The following LRRIQ1 variants were observed in gnomAD, a reference collection of about 807,000 sequenced individuals.
The protein encoded by LRRIQ1 is leucine-rich repeat- and IQ domain-containing protein 1.
A neutral mutation model predicts 211.9 loss-of-function variants in LRRIQ1; 210 were observed. That is an observed-to-expected ratio of 0.99 (90% CI 0.89 to 1.11). The LOEUF (loss-of-function observed/expected upper bound fraction) is 1.11. Among genes scored for constraint, LRRIQ1 ranks in the 50% most tolerant of loss-of-function variants. LRRIQ1 has a pLI of 0.00. For missense variants in LRRIQ1, 2,136 were observed against 1,939.5 expected, an observed-to-expected ratio of 1.10 and a Z score of -1.90; for synonymous variants, 699 against 650.1, an observed-to-expected ratio of 1.08 and a Z score of -1.14.
chr12:85,192,722 T>A (rs1165155938), intron 24 of LRRIQ1, among the ~76,000 whole-genome samples: 7 of 101,814 alleles, frequency 6.9e-5, no homozygotes, highest in African/African-American at 8.6e-5. Flanking sequence ...ATTATAAATA[T>A]ATATAGTTAT....
chr12:85,241,315 T>C (rs993609242), intron 26 of LRRIQ1, among the ~76,000 whole-genome samples: 1 of 152,052 alleles, frequency 6.6e-6, no homozygotes, highest in African/African-American at 2.4e-5. Context: ...GTGCCTTCCC[T>C]ACCCACATAT....
chr12:85,133,127 A>C (rs1057424493), intron 18 of LRRIQ1, among the ~76,000 whole-genome samples: 1 of 152,180 alleles, frequency 6.6e-6, no homozygotes, highest in South Asian at 2.1e-4. Context: ...TATTGAGTGC[A>C]TATTAGGTGA....
intron 1 of LRRIQ1, among the ~76,000 whole-genome samples, chr12:85,252,308 A>G (rs1269399440): frequency 1.3e-5 from 2 of 151,896 alleles, no homozygotes; most frequent in African/African-American, 2.4e-5. Flanking sequence ...TCCCTATCTC[A>G]TAGAATGGCA....
intron 5 of LRRIQ1, among the ~76,000 whole-genome samples, chr12:85,046,528 C>T (rs1212886740): frequency 6.6e-6 from 1 of 152,078 alleles, no homozygotes; most frequent in African/African-American, 2.4e-5. Context: ...TACGTCTATT[C>T]AACAATGTAT....
chr12:85,037,493 T>A (rs528107816), intron 1 of LRRIQ1, among the ~76,000 whole-genome samples: 234 of 152,284 alleles, frequency 1.5e-3, no homozygotes, highest in African/African-American at 5.1e-3. Flanking sequence ...TTTGTTTTTC[T>A]TTTCTTTTCT....
intron 18 of LRRIQ1, among the ~76,000 whole-genome samples, chr12:85,132,413 A>G (rs1201927700): frequency 6.6e-6 from 1 of 152,092 alleles, no homozygotes; most frequent in Non-Finnish European, 1.5e-5. Flanking sequence ...CCCATTTGCC[A>G]TGTTAGGGAG....
chr12:85,120,053 A>G (rs1341624003), intron 15 of LRRIQ1, among the ~76,000 whole-genome samples: 1 of 152,088 alleles, frequency 6.6e-6, no homozygotes, highest in Non-Finnish European at 1.5e-5. Context: ...CTTGATTTAT[A>G]CCTTTGGTGA....
intron 11 of LRRIQ1, among the ~76,000 whole-genome samples, chr12:85,092,790 C>T (rs571115144): frequency 2.8e-4 from 42 of 152,290 alleles, no homozygotes; most frequent in Non-Finnish European, 4.6e-4. Context: ...CTTTATCAAA[C>T]GTGCCTGCGC....
chr12:85,095,834 A>G (rs1195579449), intron 11 of LRRIQ1, among the ~76,000 whole-genome samples: 1 of 151,978 alleles, frequency 6.6e-6, no homozygotes, highest in African/African-American at 2.4e-5. Context: ...TCAGAACTCC[A>G]TATTGGTCTG....
intron 11 of LRRIQ1, among the ~76,000 whole-genome samples, 182 bp from the exon 12 acceptor site, chr12:85,098,173 C>T (rs1886056076): frequency 6.6e-6 from 1 of 151,912 alleles, no homozygotes; most frequent in Admixed American, 6.6e-5. Flanking sequence ...ACCCAGATGC[C>T]AGTTTAAATA....
At chr12:85,057,234 TTAAAG>T (rs760745044) in intron 8 of LRRIQ1, 50 bp downstream of exon 8, 15 of 1,220,488 alleles carry the variant, frequency 1.2e-5, no homozygotes, top group African/African-American at 3.2e-5. Context: ...AATTAGCTCT[TTAAAG>T]TATAACTTTT....
intron 24 of LRRIQ1, among the ~76,000 whole-genome samples, chr12:85,193,710 G>T (rs1892726246): frequency 6.6e-6 from 1 of 151,972 alleles, no homozygotes; most frequent in South Asian, 2.1e-4. Flanking sequence ...ACCAGCCGCT[G>T]CAAAATCATG....
intron 26 of LRRIQ1, among the ~76,000 whole-genome samples, chr12:85,240,729 C>T (rs1895422067): frequency 6.6e-6 from 1 of 151,998 alleles, no homozygotes; most frequent in South Asian, 2.1e-4. Flanking sequence ...ATCTCAAGAA[C>T]ATTATGTTGA....
intron 13 of LRRIQ1, among the ~76,000 whole-genome samples, chr12:85,100,179 T>A (rs1592795537): frequency 6.6e-6 from 1 of 151,838 alleles, no homozygotes; most frequent in East Asian, 1.9e-4. Context: ...CAAGCCACAT[T>A]AATAAGCATA....
chr12:85,108,665 A>G (rs1169793667), intron 15 of LRRIQ1, among the ~76,000 whole-genome samples: 2 of 152,016 alleles, frequency 1.3e-5, no homozygotes, highest in East Asian at 1.9e-4. Flanking sequence ...TCTGGCTTAC[A>G]CTTTTGTCTT....
intron 26 of LRRIQ1, among the ~76,000 whole-genome samples, chr12:85,240,003 A>G (rs1020074507): frequency 6.6e-6 from 1 of 152,122 alleles, no homozygotes; most frequent in Non-Finnish European, 1.5e-5. Context: ...ATAATCAAAT[A>G]AATAAAAATA....
chr12:85,055,626 C>A lies in LRRIQ1; in HGVS notation c.833C>A (p.Ser278Tyr), dbSNP rs750770453. ...FKDQQEKEKN[S>Y]LLKQQNNAAV... ...GACCAACAAGAAAAAGAAAAAAATTCTTTGTTAAAACAGCAGAATAATGCA... is the reference window on the plus strand; with the variant it reads ...GACCAACAAGAAAAAGAAAAAAATTATTTGTTAAAACAGCAGAATAATGCA... The change falls in exon 8 of 27, where the codon TCT becomes TAT. Residue 278 changes from serine (S) to tyrosine (Y), a missense_variant. Ser to Tyr is a moderately radical substitution (Grantham distance 144). Transcript: ENST00000393217. The A allele has an allele frequency of 7.0e-6, 11 of 1,569,048 alleles. No homozygotes were observed. Among genetic ancestry groups the A allele is most frequent in the East Asian group, 6.8e-5 (3 of 43,922 alleles).
At chr12:85,180,814 CTG>C (rs1891943929) in intron 24 of LRRIQ1, among the ~76,000 whole-genome samples, 1 of 151,694 alleles carries the variant, frequency 6.6e-6, no homozygotes, top group Non-Finnish European at 1.5e-5. Flanking sequence ...ATTATAGTAA[CTG>C]GATACATTTT....
At chr12:85,145,815 A>T (rs1337143874) in intron 19 of LRRIQ1, among the ~76,000 whole-genome samples, 1 of 151,766 alleles carries the variant, frequency 6.6e-6, no homozygotes, top group African/African-American at 2.4e-5. Context: ...CTGCCTTCCC[A>T]TTCTGTTAGT....
Sources: allele counts gnomAD v4.1 joint callset (sites outside exome capture counted in the v4.1 genomes callset), GRCh38; gene constraint gnomAD v4.1.1; transcripts MANE v1.5; gene names NCBI Gene and HGNC (gene_info 2026-07-23, HGNC 2026-07-21).